The following DPH6 variants were observed in gnomAD, a reference collection of about 807,000 sequenced individuals.
The protein encoded by DPH6 is diphthine--ammonia ligase.
Under a neutral mutation model 38.2 loss-of-function variants are expected in DPH6, and 33 were observed. That is an observed-to-expected ratio of 0.86 (90% CI 0.65 to 1.15). DPH6 has a LOEUF of 1.15. DPH6 is among the 50% of genes most tolerant of loss of function. The pLI is 0.00. For synonymous variants in DPH6, 108 were observed against 103.0 expected (o/e 1.05, Z -0.30); for missense variants, 325 against 320.0 (o/e 1.02, Z -0.12).
intron 3 of DPH6, among the ~76,000 whole-genome samples, chr15:35,515,597 TGTAGTCCCAGCTACTCAGGAGGCTGAGGC>T (rs2054834801): frequency 6.6e-6 from 1 of 151,776 alleles, no homozygotes; most frequent in Non-Finnish European, 1.5e-5. Flanking sequence ...GGCGGGCGCC[TGTAGTCCCAGCTACTCAGGAGGCTGAGGC>T]GGGAGAATGG....
chr15:35,427,153 GAGA>G (rs971362907), intron 5 of DPH6, among the ~76,000 whole-genome samples: 1 of 151,884 alleles, frequency 6.6e-6, no homozygotes, highest in Non-Finnish European at 1.5e-5. Context: ...GTAAGAAGCA[GAGA>G]AGTTTAGTTT....
intron 3 of DPH6, among the ~76,000 whole-genome samples, chr15:35,532,040 G>A (rs2055096055): frequency 1.3e-5 from 2 of 152,164 alleles, no homozygotes; most frequent in Admixed American, 1.3e-4. Context: ...AAAAGAATAT[G>A]AGGTGAGAAG....
intron 3 of DPH6, among the ~76,000 whole-genome samples, chr15:35,319,515 C>T (rs1184172916): frequency 1.3e-5 from 2 of 151,996 alleles, no homozygotes; most frequent in African/African-American, 4.8e-5. Flanking sequence ...CCGAGGCAGA[C>T]GGATCGCCTG....
At chr15:35,272,905 T>TA (rs1194919921) in intron 3 of DPH6, among the ~76,000 whole-genome samples, 250 of 138,676 alleles carry the variant, frequency 1.8e-3, no homozygotes, top group Non-Finnish European at 2.0e-3. Context: ...AGACCCCATC[T>TA]AAAAAAAAAA....
chr15:35,322,413 G>GA (rs989106692), intron 3 of DPH6, among the ~76,000 whole-genome samples: 22 of 152,174 alleles, frequency 1.4e-4, no homozygotes, highest in African/African-American at 5.3e-4. Flanking sequence ...CTTCGCCTAG[G>GA]AATGACCAAG....
At chr15:35,349,426 T>C (rs762691099) in intron 3 of DPH6, among the ~76,000 whole-genome samples, 6 of 152,092 alleles carry the variant, frequency 3.9e-5, no homozygotes, top group Non-Finnish European at 7.4e-5. Flanking sequence ...GTGCATTGTT[T>C]GTTTTTTTGT....
intron 7 of DPH6, among the ~76,000 whole-genome samples, chr15:35,373,818 GCTTT>G (rs895029418): frequency 2.6e-5 from 4 of 151,842 alleles, no homozygotes; most frequent in African/African-American, 9.7e-5. Context: ...AAACAATGAG[GCTTT>G]CTATCTTCAT....
chr15:35,240,272 T>C lies in DPH6; in HGVS notation n.201-19690A>G, dbSNP rs1182845558. Among the ~76,000 whole-genome samples the C allele has an allele frequency of 2.1e-5, 3 of 143,448 alleles. 1 individual carries two copies. Among genetic ancestry groups the C allele is most frequent in the Non-Finnish European group, 4.6e-5 (3 of 65,388 alleles). 94.1% of individuals were successfully genotyped at this position (143,448 alleles called of 152,430 possible). A position where few individuals can be genotyped will look rare whatever the true frequency, so the allele number is the denominator to read the frequency against. On this transcript the variant is annotated intron_variant and non_coding_transcript_variant, in intron 3 of 3. Transcript: ENST00000560386. ...TTCTTGTCCTAAAATGGGCAAATGG[T>C]CTGAGGTGCCTGACGTCCAGGCATT...
At chr15:35,325,444 T>C (rs1350938302) in intron 3 of DPH6, among the ~76,000 whole-genome samples, 1 of 152,176 alleles carries the variant, frequency 6.6e-6, no homozygotes, top group Non-Finnish European at 1.5e-5. Flanking sequence ...ACTTAATTTA[T>C]GAGAAAGGTA....
At chr15:35,396,568 A>G (rs1390093836) in intron 6 of DPH6, 1 of 152,130 alleles carries the variant, frequency 6.6e-6, no homozygotes, top group East Asian at 1.9e-4. Context: ...AGGACTATCA[A>G]TTTATCTCTG....
intron 3 of DPH6, among the ~76,000 whole-genome samples, chr15:35,307,478 C>T (rs1435881767): frequency 6.6e-6 from 1 of 151,950 alleles, no homozygotes; most frequent in Non-Finnish European, 1.5e-5. Context: ...TAGGTTGAGT[C>T]CTAAAAACAG....
At chr15:35,286,318 C>T (rs1302646100) in intron 3 of DPH6, among the ~76,000 whole-genome samples, 2 of 152,326 alleles carry the variant, frequency 1.3e-5, no homozygotes. Flanking sequence ...TTAGCTACCT[C>T]TTCATTTTCT....
chr15:35,282,029 T>C (rs1022926089), intron 3 of DPH6, among the ~76,000 whole-genome samples: 1 of 152,204 alleles, frequency 6.6e-6, no homozygotes, highest in African/African-American at 2.4e-5. Flanking sequence ...AAGAATATAA[T>C]ATTATTCAAC....
chr15:35,397,805 G>GA (rs1355361640), intron 6 of DPH6, among the ~76,000 whole-genome samples: 6 of 150,570 alleles, frequency 4.0e-5, no homozygotes, highest in Non-Finnish European at 8.9e-5. Context: ...TGGCCTGGGA[G>GA]AAATGAGACA....
intron 3 of DPH6, among the ~76,000 whole-genome samples, chr15:35,240,010 T>C (rs1346443095): frequency 1.4e-5 from 2 of 141,962 alleles, no homozygotes; most frequent in African/African-American, 2.6e-5. Flanking sequence ...GTGTCTCTAC[T>C]CTTTTCTCTG....
chr15:35,529,711 T>G (rs1391498217), intron 3 of DPH6, among the ~76,000 whole-genome samples: 1 of 152,202 alleles, frequency 6.6e-6, no homozygotes, highest in Non-Finnish European at 1.5e-5. Flanking sequence ...TGGTACATTA[T>G]AAGCATTGAA....
intron 6 of DPH6, chr15:35,401,380 TATA>T (rs1380707727): frequency 1.3e-5 from 10 of 750,964 alleles, no homozygotes; most frequent in South Asian, 5.5e-5. Context: ...TGGGAATGGC[TATA>T]ATGATTTTGG....
intron 6 of DPH6, among the ~76,000 whole-genome samples, chr15:35,382,568 A>T (rs1047617405): frequency 6.6e-6 from 1 of 152,192 alleles, no homozygotes; most frequent in African/African-American, 2.4e-5. Context: ...TATGCAGCCA[A>T]ATTGGGCTCC....
intron 5 of DPH6, among the ~76,000 whole-genome samples, chr15:35,419,555 C>G (rs941522853): frequency 5.3e-5 from 8 of 152,014 alleles, no homozygotes; most frequent in African/African-American, 1.9e-4. Flanking sequence ...ACAAGAGACT[C>G]AGTTCACCTT....
Sources: gnomAD v4.1 joint callset for allele counts (sites outside exome capture counted in the v4.1 genomes callset) on GRCh38, gnomAD v4.1.1 for gene constraint, MANE v1.5 for transcripts, NCBI Gene and HGNC (gene_info 2026-07-23, HGNC 2026-07-21) for gene names.